Variants in LRFN5 observed in about 807,000 individuals in gnomAD.
LRFN5 encodes the protein leucine rich repeat and fibronectin type III domain containing 5.
A neutral mutation model predicts 45.6 loss-of-function variants in LRFN5; 24 were observed. The ratio of observed to expected loss-of-function variants is 0.53; its 90% CI spans 0.38 to 0.74. The LOEUF is 0.74. Ranked by LOEUF, LRFN5 falls within the 30% of genes least tolerant of loss-of-function variation. LRFN5 has a pLI of 0.00. For missense variants in LRFN5, 776 were observed against 861.5 expected, an observed-to-expected ratio of 0.90 and a Z score of 1.24; for synonymous variants, 340 against 313.8, an observed-to-expected ratio of 1.08 and a Z score of -0.88.
In LRFN5 at chr14:41,893,497, T is replaced by G. The variant is rs891617098; in HGVS notation, c.2098+1535T>G. 16 of 984,342 alleles carry G rather than the reference T, an allele frequency of 1.6e-5. No individual in the cohort carries two copies. The African/African-American group carries it at 2.3e-4, about 14-fold the overall frequency. 61.0% of individuals were successfully genotyped at this position (984,342 alleles called of 1,614,324 possible). On this transcript the variant is annotated intron_variant, in intron 4 of 5. Transcript: ENST00000298119. ...ATCATAAGATAGGTACTTTACTATC[T>G]TATGTCAAGTACTCTTTGGGAGTAA...
At chr14:41,821,025 G>T (rs1475390412) in intron 2 of LRFN5, among the ~76,000 whole-genome samples, 3 of 151,960 alleles carry the variant, frequency 2.0e-5, no homozygotes, top group Admixed American at 6.6e-5. Flanking sequence ...AATCTTCAGG[G>T]TTTTCAAGGT....
At chr14:41,615,855 GTTTTGA>G (rs1887910729) in intron 1 of LRFN5, among the ~76,000 whole-genome samples, 1 of 152,100 alleles carries the variant, frequency 6.6e-6, no homozygotes, top group Non-Finnish European at 1.5e-5. Flanking sequence ...TACAGGAGAT[GTTTTGA>G]TACAGGCATG....
intron 2 of LRFN5, among the ~76,000 whole-genome samples, chr14:41,796,951 A>G (rs1052389197): frequency 1.3e-5 from 2 of 151,686 alleles, no homozygotes; most frequent in Non-Finnish European, 2.9e-5. Context: ...TTCTCTTTGT[A>G]TCCTTTACTT....
intron 1 of LRFN5, among the ~76,000 whole-genome samples, chr14:41,625,622 T>TC (rs1888303728): frequency 6.6e-6 from 1 of 152,164 alleles, no homozygotes; most frequent in Non-Finnish European, 1.5e-5. Flanking sequence ...AAACTGTAAT[T>TC]TCAAGAAAGT....
chr14:41,613,949 T>C (rs1887846573), intron 1 of LRFN5, among the ~76,000 whole-genome samples: 2 of 152,016 alleles, frequency 1.3e-5, no homozygotes. Context: ...TTCAAGTAGG[T>C]TTTCCATGGA....
intron 1 of LRFN5, among the ~76,000 whole-genome samples, chr14:41,758,333 A>G (rs1885503666): frequency 6.6e-6 from 1 of 152,192 alleles, no homozygotes; most frequent in African/African-American, 2.4e-5. Flanking sequence ...TCCTGAAACT[A>G]TTGACCATTA....
chr14:41,609,449 T>C, intron 1 of LRFN5, among the ~76,000 whole-genome samples: 1 of 152,122 alleles, frequency 6.6e-6, no homozygotes, highest in East Asian at 1.9e-4. Context: ...TTGGGTCTGG[T>C]ATGTTAAAAT....
intron 1 of LRFN5, among the ~76,000 whole-genome samples, chr14:41,662,103 C>A (rs1328194738): frequency 6.6e-6 from 1 of 151,966 alleles, no homozygotes; most frequent in Non-Finnish European, 1.5e-5. Context: ...TATGAACTCA[C>A]AGATAACAGG....
intron 1 of LRFN5, among the ~76,000 whole-genome samples, chr14:41,640,751 TAACA>T (rs1879537547): frequency 6.6e-6 from 1 of 152,170 alleles, no homozygotes; most frequent in South Asian, 2.1e-4. Flanking sequence ...CACAAAACTG[TAACA>T]AACAAATAAT....
chr14:41,664,787 T>C (rs1271699045), intron 1 of LRFN5, among the ~76,000 whole-genome samples: 1 of 151,896 alleles, frequency 6.6e-6, no homozygotes, highest in East Asian at 1.9e-4. Context: ...TCTGAGAGAG[T>C]TCTTTAAAAA....
intron 2 of LRFN5, among the ~76,000 whole-genome samples, chr14:41,829,786 T>C (rs967263760): frequency 1.3e-5 from 2 of 151,806 alleles, no homozygotes; most frequent in African/African-American, 4.8e-5. Flanking sequence ...CACCTTTTTT[T>C]AGTAATACTT....
intron 2 of LRFN5, among the ~76,000 whole-genome samples, chr14:41,826,362 T>C (rs1888295072): frequency 6.6e-6 from 1 of 152,218 alleles, no homozygotes; most frequent in South Asian, 2.1e-4. Flanking sequence ...TCTTCAAATG[T>C]CATCTATGCC....
At chr14:41,638,768 T>C (rs1157919538) in intron 1 of LRFN5, among the ~76,000 whole-genome samples, 1 of 152,072 alleles carries the variant, frequency 6.6e-6, no homozygotes, top group Non-Finnish European at 1.5e-5. Flanking sequence ...AATTATGTAA[T>C]GTATAAACAG....
At chr14:41,609,913 AGACT>A (rs1887670984) in intron 1 of LRFN5, among the ~76,000 whole-genome samples, 1 of 152,216 alleles carries the variant, frequency 6.6e-6, no homozygotes, top group Non-Finnish European at 1.5e-5. Flanking sequence ...TGGCATTTGC[AGACT>A]TCTAGCTGGC....
intron 1 of LRFN5, among the ~76,000 whole-genome samples, chr14:41,750,008 TCTAA>T (rs992734006): frequency 2.0e-5 from 3 of 152,062 alleles, no homozygotes; most frequent in Non-Finnish European, 4.4e-5. Flanking sequence ...AAACTGTCTC[TCTAA>T]CTTTCTTTTC....
chr14:41,611,604 G>C (rs879747858), intron 1 of LRFN5, among the ~76,000 whole-genome samples: 6 of 152,304 alleles, frequency 3.9e-5, no homozygotes, highest in Admixed American at 2.0e-4. Flanking sequence ...CTTGATTCTT[G>C]TACCTCGGAT....
At chr14:41,677,764 A>T (rs1036519481) in intron 1 of LRFN5, among the ~76,000 whole-genome samples, 1 of 152,056 alleles carries the variant, frequency 6.6e-6, no homozygotes, top group Non-Finnish European at 1.5e-5. Context: ...TTAGACATAC[A>T]ATATATATAT....
At chr14:41,699,873 AT>A (rs1392073308) in intron 1 of LRFN5, 5 of 152,032 alleles carry the variant, frequency 3.3e-5, no homozygotes, top group Non-Finnish European at 4.4e-5. Context: ...GAAAAAGACC[AT>A]TTTTTCTCTT....
At chr14:41,739,054 T>C (rs61992380) in intron 1 of LRFN5, among the ~76,000 whole-genome samples, 25,431 of 152,064 alleles carry the variant, frequency 0.17, 2,224 homozygotes, top group Admixed American at 0.2. Flanking sequence ...ATATTGAATA[T>C]CATCTGTTGT....
Sources: gnomAD v4.1 joint callset for allele counts (sites outside exome capture counted in the v4.1 genomes callset) on GRCh38, gnomAD v4.1.1 for gene constraint, MANE v1.5 for transcripts, NCBI Gene and HGNC (gene_info 2026-07-23, HGNC 2026-07-21) for gene names.